The following AGBL1 variants were observed in gnomAD, a reference collection of about 807,000 sequenced individuals.
AGBL1 encodes the protein AGBL carboxypeptidase 1.
In AGBL1, 130 loss-of-function variants were observed where a neutral mutation model predicts 118.9. The ratio of observed to expected loss-of-function variants is 1.09; its 90% CI spans 0.95 to 1.26. The LOEUF (loss-of-function observed/expected upper bound fraction) is 1.26. AGBL1 is among the 50% of genes most tolerant of loss of function. The pLI is 0.00. For missense variants in AGBL1, 1,584 were observed against 1,298.1 expected, an observed-to-expected ratio of 1.22 and a Z score of -3.38; for synonymous variants, 555 against 478.9, an observed-to-expected ratio of 1.16 and a Z score of -2.08.
rs16977247 is a variant in AGBL1 at position 86,445,587 on chromosome 15, G to C, written c.2555+48041G>C. 1.1e-4 allele frequency among the ~76,000 whole-genome samples: 16 copies of C among 152,344 alleles called. No individual in the cohort carries two copies. The East Asian group carries it at 2.9e-3, about 28-fold the overall frequency. On this transcript the variant is annotated intron_variant, in intron 18 of 22. Transcript: ENST00000614907. The stretch of plus-strand genomic sequence containing the variant: ...AGAAAATAAACAAGTGCCTGCTAGC[G>C]AGTGTGGTAATAGAGTGCAGCCTGC...
intron 18 of AGBL1, among the ~76,000 whole-genome samples, chr15:86,419,595 G>A (rs1390618797): frequency 6.6e-6 from 1 of 151,724 alleles, no homozygotes; most frequent in Non-Finnish European, 1.5e-5. Context: ...AAGTGGTGCA[G>A]GAATGCCAGC....
chr15:86,657,259 T>C (rs2085475685), intron 21 of AGBL1, among the ~76,000 whole-genome samples: 1 of 152,182 alleles, frequency 6.6e-6, no homozygotes, highest in African/African-American at 2.4e-5. Flanking sequence ...GGGCTGACTG[T>C]GTGCCTCCTG....
At chr15:86,882,804 G>A (rs1423882615) in intron 22 of AGBL1, among the ~76,000 whole-genome samples, 1 of 152,146 alleles carries the variant, frequency 6.6e-6, no homozygotes. Flanking sequence ...TGAGAGGAGA[G>A]AGAGGTCTTT....
intron 3 of AGBL1, among the ~76,000 whole-genome samples, chr15:86,152,779 T>C (rs1408890200): frequency 6.6e-6 from 1 of 152,172 alleles, no homozygotes; most frequent in African/African-American, 2.4e-5. Context: ...GACAAAGGGC[T>C]AATCCAAAGT....
rs188399786 is a variant in AGBL1, at chr15:86,305,745, G to A, written c.2374+10337G>A. Among the ~76,000 whole-genome samples, 7 of 152,100 alleles carry A rather than the reference G, an allele frequency of 4.6e-5. No homozygotes were observed. The East Asian group carries it at 5.8e-4, about 13-fold the overall frequency. ...CACACATGCACACTCACATACTGAC[G>A]CATGAATACATATGTACAGAGCCTT... On this transcript the variant is annotated intron_variant, in intron 17 of 22. Transcript: ENST00000614907.
intron 22 of AGBL1, among the ~76,000 whole-genome samples, chr15:86,899,679 C>A (rs2080184276): frequency 6.6e-6 from 1 of 152,128 alleles, no homozygotes; most frequent in Admixed American, 6.5e-5. Flanking sequence ...GACAATTCAT[C>A]TGAATTAGTT....
chr15:86,331,033 G>A (rs1275669280), intron 17 of AGBL1, among the ~76,000 whole-genome samples: 1 of 152,088 alleles, frequency 6.6e-6, no homozygotes. Flanking sequence ...AGACCAGGCT[G>A]ACCAACATGG....
At chr15:86,501,737 G>A (rs1247296218) in intron 18 of AGBL1, among the ~76,000 whole-genome samples, 1 of 151,468 alleles carries the variant, frequency 6.6e-6, no homozygotes, top group Non-Finnish European at 1.5e-5. Flanking sequence ...TGGCATCCTT[G>A]TAGAAAATGA....
intron 23 of AGBL1, among the ~76,000 whole-genome samples, chr15:86,960,376 T>C (rs1197942096): frequency 2.0e-5 from 3 of 152,094 alleles, no homozygotes; most frequent in Non-Finnish European, 2.9e-5. Context: ...ATAAATTATC[T>C]GGTTGAAATG....
At chr15:86,244,600 T>A (rs2078691605) in intron 6 of AGBL1, among the ~76,000 whole-genome samples, 2 of 152,158 alleles carry the variant, frequency 1.3e-5, no homozygotes, top group South Asian at 2.1e-4. Flanking sequence ...AAATCATGAA[T>A]AAAATCATTG....
At chr15:86,710,865 T>C (rs1348610218) in intron 22 of AGBL1, among the ~76,000 whole-genome samples, 1 of 152,216 alleles carries the variant, frequency 6.6e-6, no homozygotes, top group East Asian at 1.9e-4. Flanking sequence ...ATTACTGACT[T>C]TGTGACAAGT....
intron 21 of AGBL1, among the ~76,000 whole-genome samples, chr15:86,580,827 G>T (rs1460279012): frequency 6.6e-6 from 1 of 151,916 alleles, no homozygotes; most frequent in African/African-American, 2.4e-5. Context: ...CTATAATTTT[G>T]GAACCACTTA....
chr15:86,370,061 A>G (rs1028444003), intron 17 of AGBL1, among the ~76,000 whole-genome samples: 4 of 152,220 alleles, frequency 2.6e-5, no homozygotes, highest in Non-Finnish European at 5.9e-5. Context: ...CTCTATCATA[A>G]AAAATATTTA....
At chr15:86,284,215 A>T (rs1276054343) in intron 16 of AGBL1, among the ~76,000 whole-genome samples, 1 of 150,548 alleles carries the variant, frequency 6.6e-6, no homozygotes, top group African/African-American at 2.4e-5. Context: ...CAAATGGAAG[A>T]CCCCTCCTCA....
chr15:86,304,025 A>G (rs1437871546), intron 17 of AGBL1, among the ~76,000 whole-genome samples: 1 of 152,154 alleles, frequency 6.6e-6, no homozygotes, highest in Admixed American at 6.5e-5. Context: ...TGCCTCTTTC[A>G]GCTGTGCAAT....
intron 22 of AGBL1, among the ~76,000 whole-genome samples, chr15:86,813,964 T>C (rs1344932252): frequency 2.0e-5 from 3 of 152,184 alleles, no homozygotes; most frequent in Admixed American, 2.0e-4. Context: ...GGTTTAGGAC[T>C]GTGAAACTGA....
At position 86,674,388 on chromosome 15, in the gene AGBL1, C is replaced by T; in HGVS notation, c.3110C>T (p.Ala1037Val). 6.2e-7 allele frequency: 1 copy of T among 1,613,286 alleles called. No individual in the cohort carries two copies. Among genetic ancestry groups the T allele is most frequent in the South Asian group, 1.1e-5 (1 of 90,964 alleles). Reference protein sequence around the residue: ...SCSHQLLAQAATLLSAEEDAL... With the variant: ...SCSHQLLAQAVTLLSAEEDAL... ...AGCCATCAGCTCCTGGCTCAAGCTGCAACTCTGCTGAGTGCTGAGGAGGAC... is the reference window on the plus strand; with the variant it reads ...AGCCATCAGCTCCTGGCTCAAGCTGTAACTCTGCTGAGTGCTGAGGAGGAC... Residue 1037 changes from alanine (A) to valine (V), a missense_variant, in exon 22 of 23, where the codon GCA becomes GTA. Ala to Val is a moderately conservative substitution (Grantham distance 64). Coordinates refer to ENST00000614907, the MANE Select transcript of AGBL1 (RefSeq NM_001386094.1).
rs118127100 is a variant in AGBL1 at position 86,239,907 on chromosome 15, T to A, written c.527-7764T>A. ...ATGATGAATATGTTTATTAGCCCGA[T>A]TTGTTCATTCCCCAAGGTATATATA... On this transcript the variant is annotated intron_variant, in intron 6 of 22. Coordinates refer to ENST00000614907, the MANE Select transcript of AGBL1 (RefSeq NM_001386094.1). 2.1e-3 allele frequency among the ~76,000 whole-genome samples: 318 copies of A among 152,312 alleles called. 1 individual carries two copies. The highest frequency in any genetic ancestry group is 3.7e-3 in the Non-Finnish European group (255 of 68,032).
intron 22 of AGBL1, among the ~76,000 whole-genome samples, chr15:86,894,293 T>C (rs948695415): frequency 6.6e-6 from 1 of 152,188 alleles, no homozygotes; most frequent in Non-Finnish European, 1.5e-5. Context: ...ATGAATTGAA[T>C]TCATCAGGTT....
Sources: gnomAD v4.1 joint callset for allele counts (sites outside exome capture counted in the v4.1 genomes callset) on GRCh38, gnomAD v4.1.1 for gene constraint, MANE v1.5 for transcripts, NCBI Gene and HGNC (gene_info 2026-07-23, HGNC 2026-07-21) for gene names.